PHC3: variants seen among roughly 807,000 people sequenced by gnomAD.
PHC3 encodes the protein polyhomeotic-like protein 3.
Under a neutral mutation model 107.4 loss-of-function variants are expected in PHC3, and 13 were observed. The observed-to-expected ratio is 0.12, with a 90% CI of 0.08 to 0.19. The LOEUF (loss-of-function observed/expected upper bound fraction) is 0.19. Among genes scored for constraint, PHC3 ranks in the 10% least tolerant of loss-of-function variants. The pLI is 1.00. For synonymous variants in PHC3, 456 were observed against 427.4 expected, an observed-to-expected ratio of 1.07 and a Z score of -0.83; for missense variants, 992 against 1,210.9, an observed-to-expected ratio of 0.82 and a Z score of 2.68.
intron 6 of PHC3, among the ~76,000 whole-genome samples, chr3:170,144,707 T>C (rs1483380319): frequency 6.6e-6 from 1 of 152,176 alleles, no homozygotes; most frequent in African/African-American, 2.4e-5. Flanking sequence ...CATTGTGGTT[T>C]TGATTTGCAT....
chr3:170,120,644 C>T (rs941173132), intron 9 of PHC3, among the ~76,000 whole-genome samples: 3 of 151,812 alleles, frequency 2.0e-5, no homozygotes, highest in African/African-American at 7.3e-5. Flanking sequence ...TTCTACTTTT[C>T]AGGAGGAGGA....
At chr3:170,170,330 T>C (rs1322188565) in intron 4 of PHC3, 2 of 150,332 alleles carry the variant, frequency 1.3e-5, no homozygotes, top group African/African-American at 4.9e-5. Flanking sequence ...AGGAAACACC[T>C]ATAGTTGTCA....
chr3:170,137,205 T>A (rs1319859770), intron 6 of PHC3, among the ~76,000 whole-genome samples: 3 of 152,110 alleles, frequency 2.0e-5, no homozygotes, highest in Non-Finnish European at 4.4e-5. Context: ...CTCTTTTAAT[T>A]TAGTAAAATT....
chr3:170,094,739 A>C lies in PHC3; in HGVS notation c.*2491T>G, dbSNP rs989561373. ...AAAAAAGCAAGTGCATATTTTGTGT[A>C]TGTTTTGAGTGGGGACAACAGAGAT... On this transcript the variant is annotated 3_prime_UTR_variant, in exon 15 of 15. Transcript: ENST00000495893. The C allele has an allele frequency of 7.2e-5, 11 of 152,172 alleles. No homozygotes were observed. Among genetic ancestry groups the C allele is most frequent in the African/African-American group, 2.7e-4 (11 of 41,462 alleles). The allele number at this position is 152,172 out of a possible 1,614,324, so 9.4% of individuals were successfully genotyped here.
rs1294093530 is a variant in PHC3 at position 170,094,312 on chromosome 3, T to G, written c.*2918A>C. On this transcript the variant is annotated 3_prime_UTR_variant, in exon 15 of 15. Transcript: ENST00000495893. ...AAATCAGCTCTCTTAGTTGTTTAAC[T>G]TCCCCAGGAACACAAGGCTTAAAGC... 1.3e-5 allele frequency: 2 copies of G among 152,246 alleles called. No individual in the cohort carries two copies. The highest frequency in any genetic ancestry group is 2.9e-5 in the Non-Finnish European group (2 of 68,040). 9.4% of individuals were successfully genotyped at this position (152,246 alleles called of 1,614,324 possible). A position where few individuals can be genotyped will look rare whatever the true frequency, so the allele number is the denominator to read the frequency against.
At chr3:170,117,569 T>A in intron 9 of PHC3, 93 bp from the exon 10 acceptor site, 1 of 1,259,240 alleles carries the variant, frequency 7.9e-7, no homozygotes, top group Non-Finnish European at 1.1e-6. Flanking sequence ...TAACAACAGT[T>A]AATATCTGGT....
At chr3:170,158,518 G>A (rs1302643033) in intron 4 of PHC3, among the ~76,000 whole-genome samples, 8 of 151,852 alleles carry the variant, frequency 5.3e-5, no homozygotes, top group African/African-American at 1.4e-4. Context: ...AGGAGAAATC[G>A]CTTGAACCTG....
At chr3:170,171,128 G>A (rs928055838) in intron 4 of PHC3, 8 of 532,418 alleles carry the variant, frequency 1.5e-5, no homozygotes, top group Non-Finnish European at 2.3e-5. Flanking sequence ...CATAAGATCT[G>A]AACATGATCA....
intron 4 of PHC3, among the ~76,000 whole-genome samples, chr3:170,152,573 A>T (rs149815977): frequency 0.012 from 1,847 of 152,034 alleles, 38 homozygotes; most frequent in African/African-American, 0.042. Context: ...AATCAGTGGA[A>T]TCTTTTCAGA....
chr3:170,157,178 G>C (rs1269600785), intron 4 of PHC3, among the ~76,000 whole-genome samples: 1 of 152,178 alleles, frequency 6.6e-6, no homozygotes, highest in Non-Finnish European at 1.5e-5. Context: ...GCTTAAGTGA[G>C]ATTGATCTCT....
chr3:170,136,159 T>C (rs1204196071), intron 7 of PHC3, among the ~76,000 whole-genome samples: 2 of 152,264 alleles, frequency 1.3e-5, no homozygotes, highest in Non-Finnish European at 2.9e-5. Flanking sequence ...GTTTTATCAA[T>C]ATAAGGAGAG....
chr3:170,110,379 C>T (rs927863101), intron 11 of PHC3, among the ~76,000 whole-genome samples: 2 of 152,112 alleles, frequency 1.3e-5, no homozygotes, highest in African/African-American at 4.8e-5. Context: ...TCTTCACTGC[C>T]CTCTCTCGAA....
intron 9 of PHC3, among the ~76,000 whole-genome samples, chr3:170,121,159 C>G (rs986132619): frequency 1.3e-5 from 2 of 152,036 alleles, no homozygotes; most frequent in African/African-American, 4.8e-5. Context: ...AATGTAAAAG[C>G]CATCATTAGC....
chr3:170,181,581 C>G, intron 1 of PHC3, 121 bp downstream of exon 1: 1 of 1,448,996 alleles, frequency 6.9e-7, no homozygotes, highest in Non-Finnish European at 9.6e-7. Flanking sequence ...TAGGACGGGT[C>G]TCGAGTCTCT....
intron 4 of PHC3, among the ~76,000 whole-genome samples, chr3:170,167,382 T>C (rs771774399): frequency 1.3e-5 from 2 of 152,232 alleles, no homozygotes; most frequent in Admixed American, 1.3e-4. Context: ...TCCCAAAGTG[T>C]TGGGATTATA....
rs1185935083 is a variant in PHC3, at chr3:170,129,202, T to C, written c.1270A>G (p.Ile424Val). ...PPHSPSQSPT[I>V]IIHPQALIQP... ...ATAAGTGCTTGTGGATGAATAATTA[T>C]AGTAGGAGACTGACTTGGTGAATGA... is the stretch of plus-strand genomic sequence containing the variant. The change falls in exon 8 of 15, where the codon ATA becomes GTA. Residue 424 changes from isoleucine (I) to valine (V), a missense_variant. This residue lies in a region of PHC3 where 543 missense variants were observed against 590.8 expected (regional missense o/e 0.92). Coordinates refer to ENST00000495893, the MANE Select transcript of PHC3 (RefSeq NM_024947.4). The C allele has an allele frequency of 1.2e-6, 2 of 1,613,952 alleles. No homozygotes were observed. The highest frequency in any genetic ancestry group is 1.7e-6 in the Non-Finnish European group (2 of 1,179,856).
chr3:170,163,793 G>C (rs1403984132), intron 4 of PHC3, among the ~76,000 whole-genome samples: 1 of 150,390 alleles, frequency 6.6e-6, no homozygotes, highest in East Asian at 2.0e-4. Context: ...AATCTGGGAG[G>C]TGGAGGTTGC....
chr3:170,175,574 T>C (rs1376525976), intron 2 of PHC3, among the ~76,000 whole-genome samples: 1 of 149,032 alleles, frequency 6.7e-6, no homozygotes, highest in African/African-American at 2.5e-5. Context: ...GGGTCGTGAG[T>C]TGTGATCATG....
intron 10 of PHC3, among the ~76,000 whole-genome samples, chr3:170,115,319 AAGG>A (rs59574284): frequency 0.11 from 17,414 of 152,060 alleles, 1,064 homozygotes; most frequent in Admixed American, 0.16. Flanking sequence ...TCCTCAGTGA[AAGG>A]AGAACTGTAT....
Sources: gnomAD v4.1 joint callset for allele counts (sites outside exome capture counted in the v4.1 genomes callset) on GRCh38, gnomAD v4.1.1 for gene constraint, gnomAD v4.1.1 regional missense constraint, MANE v1.5 for transcripts, NCBI Gene and HGNC (gene_info 2026-07-23, HGNC 2026-07-21) for gene names.